GPC6: variants seen among roughly 807,000 people sequenced by gnomAD.
GPC6 encodes the protein glypican-6.
In GPC6, 14 loss-of-function variants were observed where a neutral mutation model predicts 55.2. The observed-to-expected ratio is 0.25, with a 90% CI of 0.17 to 0.40. GPC6 has a LOEUF of 0.40. Ranked by LOEUF, GPC6 falls within the 10% of genes least tolerant of loss-of-function variation. The pLI is 1.00. For missense variants in GPC6, 641 were observed against 708.5 expected (o/e 0.90, Z 1.08); for synonymous variants, 278 against 259.6 (o/e 1.07, Z -0.68).
At chr13:94,179,714 G>A (rs1047982971) in intron 4 of GPC6, among the ~76,000 whole-genome samples, 5 of 152,178 alleles carry the variant, frequency 3.3e-5, no homozygotes, top group Non-Finnish European at 7.3e-5. Context: ...AGCTGAGAAA[G>A]CACAACAGGA....
chr13:93,505,841 G>C (rs992535164), intron 1 of GPC6, among the ~76,000 whole-genome samples: 18 of 152,148 alleles, frequency 1.2e-4, no homozygotes, highest in Admixed American at 8.5e-4. Flanking sequence ...GACTATGAAA[G>C]TGCTGTATTA....
chr13:94,331,506 G>C (rs916185209), intron 6 of GPC6, among the ~76,000 whole-genome samples: 1 of 152,032 alleles, frequency 6.6e-6, no homozygotes, highest in South Asian at 2.1e-4. Context: ...CAGCTGTGTG[G>C]TTACATGGAG....
chr13:94,258,575 C>A (rs1891567601), intron 4 of GPC6, among the ~76,000 whole-genome samples: 1 of 152,172 alleles, frequency 6.6e-6, no homozygotes, highest in Non-Finnish European at 1.5e-5. Flanking sequence ...ACTCTTCTTG[C>A]CTCTTCGTTT....
chr13:93,851,115 G>A (rs896459997), intron 3 of GPC6, among the ~76,000 whole-genome samples: 2 of 151,838 alleles, frequency 1.3e-5, no homozygotes, highest in Non-Finnish European at 2.9e-5. Context: ...TATAATAACA[G>A]GACTTTTTAA....
At position 93,850,651 on chromosome 13, in the gene GPC6, C is replaced by T. The variant is rs115460899; in HGVS notation, c.711+20106C>T. On this transcript the variant is annotated intron_variant, in intron 3 of 8. Transcript: ENST00000377047. ...TTTACATTATATGCTATATCATGAC[C>T]GTAATATGAAAATAACATAGGAGAA... 6.8e-3 allele frequency among the ~76,000 whole-genome samples: 1,037 copies of T among 151,648 alleles called. 17 individuals are homozygous for T. The highest frequency in any genetic ancestry group is 0.024 in the African/African-American group (974 of 41,348).
intron 6 of GPC6, among the ~76,000 whole-genome samples, chr13:94,355,393 C>G (rs190677335): frequency 6.6e-6 from 1 of 152,258 alleles, no homozygotes; most frequent in African/African-American, 2.4e-5. Flanking sequence ...GTCTTCTTCC[C>G]AACCAAGGCC....
At chr13:93,398,506 T>A (rs562639561) in intron 1 of GPC6, among the ~76,000 whole-genome samples, 1 of 152,276 alleles carries the variant, frequency 6.6e-6, no homozygotes, top group East Asian at 1.9e-4. Context: ...AGGACATGAG[T>A]AGTCTGCTTT....
At chr13:93,550,352 GT>G (rs1209449744) in intron 2 of GPC6, among the ~76,000 whole-genome samples, 1 of 152,076 alleles carries the variant, frequency 6.6e-6, no homozygotes, top group Non-Finnish European at 1.5e-5. Flanking sequence ...TCCATATGAA[GT>G]TTTTTGTTTA....
chr13:93,521,862 A>T (rs1485221285), intron 1 of GPC6, among the ~76,000 whole-genome samples: 1 of 151,978 alleles, frequency 6.6e-6, no homozygotes, highest in African/African-American at 2.4e-5. Context: ...GAAGACAATA[A>T]GTGCAGTTTA....
At chr13:94,385,536 T>C (rs1458322331) in intron 7 of GPC6, among the ~76,000 whole-genome samples, 1 of 152,248 alleles carries the variant, frequency 6.6e-6, no homozygotes, top group Non-Finnish European at 1.5e-5. Context: ...TCTTTTATTA[T>C]GCATAAGTAT....
At chr13:94,202,602 A>G (rs2138977930) in intron 4 of GPC6, among the ~76,000 whole-genome samples, 1 of 152,324 alleles carries the variant, frequency 6.6e-6, no homozygotes, top group South Asian at 2.1e-4. Context: ...TGTGGCGATT[A>G]TGGGAGCTAC....
chr13:93,921,842 G>A (rs1417030271), intron 3 of GPC6, among the ~76,000 whole-genome samples: 1 of 151,826 alleles, frequency 6.6e-6, no homozygotes, highest in Middle Eastern at 3.4e-3. Context: ...ACCCATTTAG[G>A]GCCACAGGTT....
At chr13:94,178,847 A>ATGAATCT (rs1484387714) in intron 4 of GPC6, among the ~76,000 whole-genome samples, 3 of 152,196 alleles carry the variant, frequency 2.0e-5, no homozygotes, top group Non-Finnish European at 4.4e-5. Context: ...AGATGAGATG[A>ATGAATCT]TGAATCTAAA....
At chr13:94,267,010 A>T (rs776394325) in intron 4 of GPC6, among the ~76,000 whole-genome samples, 1 of 152,192 alleles carries the variant, frequency 6.6e-6, no homozygotes, top group African/African-American at 2.4e-5. Context: ...TATATTTTTT[A>T]TAAAGTTTTA....
At chr13:94,181,434 T>C (rs1888991883) in intron 4 of GPC6, among the ~76,000 whole-genome samples, 1 of 152,214 alleles carries the variant, frequency 6.6e-6, no homozygotes, top group Non-Finnish European at 1.5e-5. Context: ...CCCGATATAG[T>C]TGGATGTAAT....
chr13:93,639,132 A>C (rs1402455119), intron 2 of GPC6, among the ~76,000 whole-genome samples: 1 of 152,152 alleles, frequency 6.6e-6, no homozygotes, highest in Non-Finnish European at 1.5e-5. Context: ...ACACAGGGAA[A>C]ATAAAGCAAG....
intron 4 of GPC6, among the ~76,000 whole-genome samples, chr13:94,193,871 G>A (rs779052066): frequency 6.6e-5 from 10 of 152,088 alleles, no homozygotes; most frequent in Non-Finnish European, 1.2e-4. Flanking sequence ...AGCTTTTGGC[G>A]GAATTCTAGA....
chr13:94,081,816 C>T (rs1042735738), intron 4 of GPC6, among the ~76,000 whole-genome samples: 2 of 151,586 alleles, frequency 1.3e-5, no homozygotes, highest in Non-Finnish European at 2.9e-5. Flanking sequence ...TTCCCAACTA[C>T]TCCATGTCTA....
intron 4 of GPC6, among the ~76,000 whole-genome samples, chr13:94,217,353 C>A (rs1643023788): frequency 6.6e-6 from 1 of 152,078 alleles, no homozygotes; most frequent in Non-Finnish European, 1.5e-5. Flanking sequence ...AATCAATGAC[C>A]TCAGGCATAT....
Sources: gnomAD v4.1 joint callset for allele counts (sites outside exome capture counted in the v4.1 genomes callset) on GRCh38, gnomAD v4.1.1 for gene constraint, MANE v1.5 for transcripts, NCBI Gene and HGNC (gene_info 2026-07-23, HGNC 2026-07-21) for gene names.